The following EGF variants were observed in gnomAD, a reference collection of about 807,000 sequenced individuals.
EGF encodes epidermal growth factor.
EGF carries 95 observed loss-of-function variants against 143.8 expected under a neutral mutation model. The observed-to-expected ratio is 0.66, with a 90% CI of 0.56 to 0.78. The LOEUF is 0.78. EGF is among the 30% of genes least tolerant of loss of function. The pLI is 0.00. For missense variants in EGF, 1,320 were observed against 1,470.9 expected (o/e 0.90, Z 1.68); for synonymous variants, 510 against 510.5 (o/e 1.00, Z 0.01).
Position 109,913,051 on chromosome 4 carries a change from CTG to C in EGF, c.-282_-281del. On this transcript the variant is annotated 5_prime_UTR_variant, in exon 1 of 24. Transcript: ENST00000265171. The stretch of plus-strand genomic sequence containing the variant: ...TCAGCCAGAGCAGGGCTGTTAAACT[CTG>C]TGAAATTTGTCATAAGGGTGTCAGG... 1 of 388,024 alleles carries C rather than the reference CTG, an allele frequency of 2.6e-6. No homozygotes were observed. The highest frequency in any genetic ancestry group is 4.9e-6 in the Non-Finnish European group (1 of 203,506). The allele number at this position is 388,024 out of a possible 1,614,324, so 24.0% of individuals were successfully genotyped here.
rs941003830 is a variant in EGF at position 109,983,457 on chromosome 4, T to C, written c.2407T>C (p.Leu803=). Residue 803 remains leucine (L), a synonymous_variant, in exon 16 of 24, where the codon TTG becomes CTG. Coordinates refer to ENST00000265171, the MANE Select transcript of EGF (RefSeq NM_001963.6). ...TGATCTAAAGAACCAAGTAACACCA[T>C]TGGACATCTTGTCCAAGACTAGAGT... ...EVDLKNQVTP[L]DILSKTRVSE... is the part of the protein sequence containing the mutation. 22 of 1,613,666 alleles carry C rather than the reference T, an allele frequency of 1.4e-5. No homozygotes were observed. The highest frequency in any genetic ancestry group is 1.6e-4 in the Middle Eastern group (1 of 6,082).
chr4:109,944,038 G>C lies in EGF; in HGVS notation c.706G>C (p.Gly236Arg). The C allele has an allele frequency of 6.2e-7, 1 of 1,614,130 alleles. No homozygotes were observed. Among genetic ancestry groups the C allele is most frequent in the Non-Finnish European group, 8.5e-7 (1 of 1,180,026 alleles). The stretch of plus-strand genomic sequence containing the variant: ...TATTTGCTCCTGTGATTATGATGGA[G>C]GTTCTGTCCACATTAGTAAACATCC... ...SLICSCDYDG[G>R]SVHISKHPTQ... The change falls in exon 4 of 24, where the codon GGT becomes CGT. Residue 236 changes from glycine (G) to arginine (R), a missense_variant. Physicochemically the swap from Gly to Arg is moderately radical, Grantham distance 125 (BLOSUM62 -2). Around this residue, in one of 5 missense-constraint regions of EGF, gnomAD observed 1,186 missense variants for 1,313.7 expected, o/e 0.90. Coordinates refer to ENST00000265171, the MANE Select transcript of EGF (RefSeq NM_001963.6).
chr4:109,946,944 C>T (rs1374676104), intron 5 of EGF, among the ~76,000 whole-genome samples: 7 of 152,072 alleles, frequency 4.6e-5, no homozygotes, highest in African/African-American at 1.4e-4. Flanking sequence ...CATGGCAAAA[C>T]CCTGTCTCTA....
At chr4:109,950,584 C>T (rs1427849404) in intron 5 of EGF, among the ~76,000 whole-genome samples, 1 of 152,174 alleles carries the variant, frequency 6.6e-6, no homozygotes. Flanking sequence ...CTTCCTTGGG[C>T]TCACCAAGGC....
chr4:109,931,008 C>A (rs563587152), intron 1 of EGF, among the ~76,000 whole-genome samples: 2 of 152,188 alleles, frequency 1.3e-5, no homozygotes, highest in Non-Finnish European at 2.9e-5. Flanking sequence ...TACTTCCCCC[C>A]TTACTGAACT....
At chr4:109,940,268 A>G (rs940224890) in intron 1 of EGF, among the ~76,000 whole-genome samples, 1 of 152,240 alleles carries the variant, frequency 6.6e-6, no homozygotes, top group African/African-American at 2.4e-5. Context: ...ATAAAAATGC[A>G]AAGTGCCCAG....
At chr4:109,992,775 T>G (rs1036718948) in intron 18 of EGF, among the ~76,000 whole-genome samples, 3 of 151,902 alleles carry the variant, frequency 2.0e-5, no homozygotes, top group African/African-American at 4.8e-5. Flanking sequence ...CCATAAAAAA[T>G]GATGAGTTCA....
At chr4:109,980,675 C>G (rs1749203519) in intron 14 of EGF, 151 bp from the exon 15 acceptor site, 1 of 860,346 alleles carries the variant, frequency 1.2e-6, no homozygotes, top group African/African-American at 1.7e-5. Context: ...GGGAACTCTT[C>G]TGAAATAGCT....
At chr4:109,976,264 A>T in intron 13 of EGF, 29 bp downstream of exon 13, 1 of 1,582,330 alleles carries the variant, frequency 6.3e-7, no homozygotes, top group Non-Finnish European at 8.7e-7. Context: ...CGATTTTTTC[A>T]TCTTGACTGA....
rs1560623219 is a variant in EGF, at chr4:109,919,316, TC to T, written c.127+5855del. ...CTCTCTCTCTCTCTCTCTCTCTCTC[TC>T]TCTCTCTCTCTCTCTCTCTCTCTCA... On this transcript the variant is annotated intron_variant, in intron 1 of 23. Transcript: ENST00000265171. Among the ~76,000 whole-genome samples the T allele has an allele frequency of 1.4e-3, 199 of 146,372 alleles. 2 individuals are homozygous for T. The highest frequency in any genetic ancestry group is 4.7e-3 in the African/African-American group (178 of 38,006).
chr4:109,983,672 G>A, intron 16 of EGF, 131 bp downstream of exon 16: 2 of 1,257,968 alleles, frequency 1.6e-6, no homozygotes, highest in Non-Finnish European at 2.3e-6. Flanking sequence ...CCAAACCTTG[G>A]ACTCAAGTCT....
intron 1 of EGF, among the ~76,000 whole-genome samples, chr4:109,918,440 C>T (rs1007837284): frequency 6.6e-6 from 1 of 152,178 alleles, no homozygotes; most frequent in Non-Finnish European, 1.5e-5. Flanking sequence ...AGTCCTGTGG[C>T]TTGCTGGGCT....
At chr4:109,961,670 AT>A (rs757924966) in intron 7 of EGF, among the ~76,000 whole-genome samples, 192 bp from the exon 8 acceptor site, 2 of 152,168 alleles carry the variant, frequency 1.3e-5, no homozygotes, top group Non-Finnish European at 2.9e-5. Context: ...TATCCAGTTA[AT>A]TTTCAGGCAT....
intron 5 of EGF, 30 bp from the exon 6 acceptor site, chr4:109,959,282 C>T: frequency 6.2e-7 from 1 of 1,613,494 alleles, no homozygotes; most frequent in South Asian, 1.1e-5. Context: ...AAACACGGCC[C>T]CACTCCAAAT....
intron 5 of EGF, among the ~76,000 whole-genome samples, chr4:109,952,536 A>G (rs1003799965): frequency 7.2e-5 from 11 of 152,238 alleles, no homozygotes; most frequent in African/African-American, 2.7e-4. Context: ...AGTGTCTACT[A>G]TAAAATCTTG....
In EGF at chr4:109,958,773, C is replaced by G. The variant is rs544720172; in HGVS notation, c.941-539C>G. Among the ~76,000 whole-genome samples, 8 of 151,942 alleles carry G rather than the reference C, an allele frequency of 5.3e-5. No homozygotes were observed. The South Asian group carries it at 1.7e-3, about 32-fold the overall frequency. On this transcript the variant is annotated intron_variant, in intron 5 of 23. Coordinates refer to ENST00000265171, the MANE Select transcript of EGF (RefSeq NM_001963.6). ...TCTCTACTAAAAATACAAAAATTAG[C>G]CAGGTGTGGTGGTGTGCACCTGTAA...
chr4:109,945,324 A>G lies in EGF; in HGVS notation c.940+49A>G, dbSNP rs1179034868. On this transcript the variant is annotated intron_variant, in intron 5 of 23. Coordinates refer to ENST00000265171, the MANE Select transcript of EGF (RefSeq NM_001963.6). ...AGGGCCTGACACATAGTTCCCACCC[A>G]TTCACCTGCTTGAGCCAGACAATGA... The G allele has an allele frequency of 3.2e-6, 5 of 1,575,022 alleles. 1 individual carries two copies. The highest frequency in any genetic ancestry group is 2.2e-5 in the South Asian group (2 of 89,136).
Position 109,988,713 on chromosome 4 carries a change from AG to A in EGF, c.2734+5del. ...GGAGATGGGATTCACTGTCTTGGTA[AG>A]AGGACACATGTGCTGGGGAGGAGGG... is the stretch of plus-strand genomic sequence containing the variant. On this transcript the variant is annotated splice_donor_5th_base_variant and intron_variant, in intron 18 of 23. Coordinates refer to ENST00000265171, the MANE Select transcript of EGF (RefSeq NM_001963.6). The A allele has an allele frequency of 1.9e-6, 3 of 1,613,820 alleles. No homozygotes were observed. Among genetic ancestry groups the A allele is most frequent in the Non-Finnish European group, 2.5e-6 (3 of 1,179,814 alleles).
intron 15 of EGF, among the ~76,000 whole-genome samples, chr4:109,982,516 CAG>C (rs1749535310): frequency 6.6e-6 from 1 of 151,906 alleles, no homozygotes; most frequent in South Asian, 2.1e-4. Flanking sequence ...TTAGTAGAGA[CAG>C]GGTTTCACCA....
Sources: allele counts gnomAD v4.1 joint callset (sites outside exome capture counted in the v4.1 genomes callset), GRCh38; gene constraint gnomAD v4.1.1; regional missense constraint gnomAD v4.1.1; transcripts MANE v1.5; gene names NCBI Gene and HGNC (gene_info 2026-07-23, HGNC 2026-07-21).